FGF14: variants seen among roughly 807,000 people sequenced by gnomAD.
FGF14 encodes the protein fibroblast growth factor 14, also known as fibroblast growth factor homologous factor 4.
In FGF14, 5 loss-of-function variants were observed where a neutral mutation model predicts 25.5. The observed-to-expected ratio is 0.20, with a 90% CI of 0.10 to 0.41. The LOEUF (loss-of-function observed/expected upper bound fraction) is 0.41. Among genes scored for constraint, FGF14 ranks in the 10% least tolerant of loss-of-function variants. FGF14 has a pLI of 1.00. For synonymous variants in FGF14, 138 were observed against 118.3 expected, an observed-to-expected ratio of 1.17 and a Z score of -1.08; for missense variants, 222 against 320.1, an observed-to-expected ratio of 0.69 and a Z score of 2.34.
In FGF14 at chr13:101,765,550, G is replaced by T. The variant is rs548600868; in HGVS notation, c.409-38740C>A. Among the ~76,000 whole-genome samples, 9 of 152,154 alleles carry T rather than the reference G, an allele frequency of 5.9e-5. No homozygotes were observed. The South Asian group carries it at 1.9e-3, about 32-fold the overall frequency. On this transcript the variant is annotated intron_variant, in intron 3 of 4. Coordinates refer to ENST00000376143, the MANE Select transcript of FGF14 (RefSeq NM_004115.4). ...ATTGCTTAGGGAAATCTCAGAATTG[G>T]TTCGTTATACCTTCCTACTCTTTCC... is the stretch of plus-strand genomic sequence containing the variant.
chr13:102,197,272 T>G (rs1307146727), intron 1 of FGF14, among the ~76,000 whole-genome samples: 1 of 152,162 alleles, frequency 6.6e-6, no homozygotes, highest in African/African-American at 2.4e-5. Context: ...GTAGTGCATT[T>G]CAGAATCATG....
chr13:102,397,906 G>T (rs913134981), intron 1 of FGF14, among the ~76,000 whole-genome samples: 6 of 151,980 alleles, frequency 3.9e-5, no homozygotes, highest in African/African-American at 1.5e-4. Context: ...TTAATGATTT[G>T]CCTAAAATAA....
chr13:101,805,713 T>G (rs777954899), intron 3 of FGF14, among the ~76,000 whole-genome samples: 11 of 152,150 alleles, frequency 7.2e-5, no homozygotes, highest in Non-Finnish European at 1.3e-4. Flanking sequence ...CAGTGTACAA[T>G]AAATATAACA....
intron 3 of FGF14, among the ~76,000 whole-genome samples, chr13:101,808,296 TTC>T (rs1204300871): frequency 1.3e-5 from 2 of 152,172 alleles, no homozygotes; most frequent in African/African-American, 2.4e-5. Flanking sequence ...TCCCTATTCC[TTC>T]TGTTATCCTT....
At chr13:102,104,578 C>T (rs1178319099) in intron 1 of FGF14, among the ~76,000 whole-genome samples, 1 of 152,092 alleles carries the variant, frequency 6.6e-6, no homozygotes, top group African/African-American at 2.4e-5. Context: ...GAGTTGGAGA[C>T]CAGCCTGGGT....
chr13:101,916,598 C>A lies in FGF14; in HGVS notation c.48G>T (p.Ala16=), dbSNP rs1185149715. 3.8e-6 allele frequency: 6 copies of A among 1,593,222 alleles called. No individual in the cohort carries two copies. The highest frequency in any genetic ancestry group is 2.3e-5 in the East Asian group (1 of 42,974). Residue 16 remains alanine (A), a synonymous_variant, in exon 1 of 5, where the codon GCG becomes GCT. Coordinates refer to ENST00000376143, the MANE Select transcript of FGF14 (RefSeq NM_004115.4). ...ACGGCCGGTCCCAGTGCTGCTCCCG[C>A]GCCTGCCGCTTCTGGCGGATCAAGC... The part of the protein sequence containing the change: ...ASGLIRQKRQ[A]REQHWDRPSA...
chr13:101,908,784 T>C (rs911201079), intron 1 of FGF14, among the ~76,000 whole-genome samples: 2 of 152,134 alleles, frequency 1.3e-5, no homozygotes, highest in African/African-American at 4.8e-5. Flanking sequence ...CATTGCTAAG[T>C]CAATCCTAAA....
chr13:102,312,762 C>T (rs2055836922), intron 1 of FGF14, among the ~76,000 whole-genome samples: 1 of 152,186 alleles, frequency 6.6e-6, no homozygotes, highest in South Asian at 2.1e-4. Context: ...TTGAAAGCTT[C>T]TGATAGCAGA....
intron 1 of FGF14, among the ~76,000 whole-genome samples, chr13:102,318,671 G>A (rs60402872): frequency 0.023 from 3,479 of 152,238 alleles, 134 homozygotes; most frequent in African/African-American, 0.078. Flanking sequence ...CATATTCAAC[G>A]AAGGGTCTGC....
chr13:102,097,950 T>C (rs1270851192), intron 1 of FGF14, among the ~76,000 whole-genome samples: 2 of 152,150 alleles, frequency 1.3e-5, no homozygotes, highest in Non-Finnish European at 2.9e-5. Flanking sequence ...CGAGAAAAAC[T>C]GCTGAGCCTC....
intron 3 of FGF14, among the ~76,000 whole-genome samples, chr13:101,751,799 G>A (rs1179302691): frequency 6.6e-6 from 1 of 152,032 alleles, no homozygotes; most frequent in Non-Finnish European, 1.5e-5. Flanking sequence ...TACAGAAAAT[G>A]CCTGCTGACT....
chr13:102,341,840 AT>A (rs1262046605), intron 1 of FGF14, among the ~76,000 whole-genome samples: 1 of 152,150 alleles, frequency 6.6e-6, no homozygotes. Flanking sequence ...GAGTGAATAT[AT>A]TTAGAAAGGA....
intron 1 of FGF14, among the ~76,000 whole-genome samples, chr13:102,303,148 C>A (rs1178100066): frequency 1.3e-5 from 2 of 152,148 alleles, no homozygotes; most frequent in East Asian, 3.9e-4. Context: ...GGCATCTCTG[C>A]GCTGGCTGCT....
chr13:101,943,828 T>TATATATATATATATATATATACACACAC (rs1482940479), intron 1 of FGF14, among the ~76,000 whole-genome samples: 6 of 133,918 alleles, frequency 4.5e-5, no homozygotes, highest in African/African-American at 1.5e-4. Flanking sequence ...AAAAAAAAAA[T>TATATATATATATATATATATACACACAC]ATATATATAT....
chr13:101,872,753 T>G (rs2045175605), intron 2 of FGF14, among the ~76,000 whole-genome samples: 1 of 152,110 alleles, frequency 6.6e-6, no homozygotes, highest in Non-Finnish European at 1.5e-5. Context: ...TTTCTTTATT[T>G]CTTTGCAAAT....
intron 1 of FGF14, among the ~76,000 whole-genome samples, chr13:101,971,502 C>G (rs546998798): frequency 3.1e-4 from 47 of 152,066 alleles, no homozygotes; most frequent in Non-Finnish European, 6.2e-4. Context: ...TCCTGAGTAG[C>G]TGGGACAATA....
At position 102,277,823 on chromosome 13, in the gene FGF14, A is replaced by G. The variant is rs994152536; in HGVS notation, c.208+123648T>C. 3.3e-5 allele frequency among the ~76,000 whole-genome samples: 5 copies of G among 152,372 alleles called. No individual in the cohort carries two copies. In the East Asian group the frequency reaches 9.6e-4, roughly 29 times the overall value. ...GTGCTCCTGCATTCACTGAGTTCTT[A>G]GCCTACTTTTGTAACTGACCTAATT... On this transcript the variant is annotated intron_variant, in intron 1 of 4. Coordinates refer to the FGF14 transcript ENST00000376131.
intron 1 of FGF14, among the ~76,000 whole-genome samples, chr13:102,258,927 T>A (rs985026041): frequency 6.6e-6 from 1 of 152,228 alleles, no homozygotes; most frequent in African/African-American, 2.4e-5. Flanking sequence ...CTTCAGGGGC[T>A]CTTTATGCCT....
At chr13:102,205,974 C>T (rs1226666716) in intron 1 of FGF14, among the ~76,000 whole-genome samples, 1 of 96,170 alleles carries the variant, frequency 1.0e-5, no homozygotes, top group Non-Finnish European at 1.9e-5. Flanking sequence ...GCTCAAGAAG[C>T]TCCCTGTGGT....
Sources: allele counts gnomAD v4.1 joint callset (sites outside exome capture counted in the v4.1 genomes callset), GRCh38; gene constraint gnomAD v4.1.1; transcripts MANE v1.5; gene names NCBI Gene and HGNC (gene_info 2026-07-23, HGNC 2026-07-21).